Variants in CEP135 observed in about 807,000 individuals in gnomAD.
The protein encoded by CEP135 is centrosomal protein of 135 kDa.
In CEP135, 142 loss-of-function variants were observed where a neutral mutation model predicts 157.3. That is an observed-to-expected ratio of 0.90 (90% confidence interval 0.79 to 1.04). The LOEUF (loss-of-function observed/expected upper bound fraction) is 1.04. Ranked by LOEUF, CEP135 falls within the 50% of genes least tolerant of loss-of-function variation. The pLI is 0.00. For missense variants in CEP135, 1,317 were observed against 1,309.2 expected, an observed-to-expected ratio of 1.01 and a Z score of -0.09; for synonymous variants, 396 against 439.8, an observed-to-expected ratio of 0.90 and a Z score of 1.25.
Position 55,954,327 on chromosome 4 carries a change from A to G in CEP135, c.416A>G (p.Asn139Ser). Residue 139 changes from asparagine (N) to serine (S), a missense_variant, in exon 4 of 26, where the codon AAT becomes AGT. Physicochemically the swap from Asn to Ser is conservative, Grantham distance 46. Transcript: ENST00000257287. ...TTGGAGAAAGAGAGCAAAGCTAAGA[A>G]TGAAAGAATTCAACAACTTCAAGAA... is the stretch of plus-strand genomic sequence containing the variant. ...KLLEKESKAK[N>S]ERIQQLQEKN... 1 of 1,609,978 alleles carries G rather than the reference A, an allele frequency of 6.2e-7. No homozygotes were observed. Among genetic ancestry groups the G allele is most frequent in the Non-Finnish European group, 8.5e-7 (1 of 1,178,690 alleles).
intron 14 of CEP135, among the ~76,000 whole-genome samples, chr4:55,988,461 A>G (rs1249218030): frequency 1.3e-5 from 2 of 152,066 alleles, no homozygotes; most frequent in Non-Finnish European, 2.9e-5. Context: ...GCAGTTCAAG[A>G]CCAGCCTGGC....
At chr4:55,987,077 T>C (rs893438464) in intron 14 of CEP135, among the ~76,000 whole-genome samples, 1 of 152,228 alleles carries the variant, frequency 6.6e-6, no homozygotes, top group African/African-American at 2.4e-5. Context: ...TTTTCAGTCT[T>C]GCCGTTAAGC....
intron 6 of CEP135, among the ~76,000 whole-genome samples, chr4:55,961,885 G>T (rs1183687216): frequency 6.6e-6 from 1 of 150,720 alleles, no homozygotes; most frequent in Non-Finnish European, 1.5e-5. Context: ...TTAAGACTTG[G>T]TGGGCAGGGT....
intron 9 of CEP135, among the ~76,000 whole-genome samples, chr4:55,970,426 TAAG>T (rs1324752663): frequency 2.6e-5 from 4 of 152,248 alleles, no homozygotes; most frequent in Non-Finnish European, 5.9e-5. Context: ...GAGTTTTCTC[TAAG>T]ATTGGAAATA....
At chr4:55,981,997 A>G (rs994912162) in intron 13 of CEP135, among the ~76,000 whole-genome samples, 7 of 152,154 alleles carry the variant, frequency 4.6e-5, no homozygotes, top group African/African-American at 1.7e-4. Context: ...AAAGTCAAAA[A>G]TGTAAACCAG....
At chr4:55,968,916 T>G in intron 8 of CEP135, 147 bp from the exon 9 acceptor site, 1 of 491,948 alleles carries the variant, frequency 2.0e-6, no homozygotes, top group Non-Finnish European at 3.6e-6. Context: ...CAATTTTGCC[T>G]CTTCGTTGAA....
Position 56,032,825 on chromosome 4 carries a change from C to G in CEP135, c.*1477C>G, listed in dbSNP as rs1341084136. On this transcript the variant is annotated 3_prime_UTR_variant, in exon 26 of 26. Coordinates refer to ENST00000257287, the MANE Select transcript of CEP135 (RefSeq NM_025009.5). ...AGTTACTTATGATATATTTTGTTTC[C>G]TCTTGTGGTTTAATAAAGTGAAGTG... 6.7e-6 allele frequency: 1 copy of G among 149,906 alleles called. No individual in the cohort carries two copies. Among genetic ancestry groups the G allele is most frequent in the Admixed American group, 6.7e-5 (1 of 14,860 alleles). 9.3% of individuals were successfully genotyped at this position (149,906 alleles called of 1,614,324 possible). A position where few individuals can be genotyped will look rare whatever the true frequency, so the allele number is the denominator to read the frequency against.
intron 8 of CEP135, chr4:55,966,142 T>G: frequency 3.1e-6 from 1 of 320,380 alleles, no homozygotes; most frequent in Non-Finnish European, 5.8e-6. Flanking sequence ...CTCTGCCCCT[T>G]TATCTATGCA....
chr4:55,976,235 C>CAAA (rs749867669), intron 11 of CEP135, among the ~76,000 whole-genome samples: 2 of 79,592 alleles, frequency 2.5e-5, no homozygotes, highest in Non-Finnish European at 3.0e-5. Context: ...GCCTGGGTGA[C>CAAA]AAAAAAAAAA....
At chr4:55,951,159 A>T (rs1728350624) in intron 1 of CEP135, among the ~76,000 whole-genome samples, 1 of 152,054 alleles carries the variant, frequency 6.6e-6, no homozygotes, top group African/African-American at 2.4e-5. Flanking sequence ...TCTGCTGTTG[A>T]TGGGGGTTTA....
chr4:56,006,877 CTTG>C (rs1366532242), intron 17 of CEP135, among the ~76,000 whole-genome samples: 1 of 151,912 alleles, frequency 6.6e-6, no homozygotes, highest in Non-Finnish European at 1.5e-5. Flanking sequence ...CTCTGTCTGG[CTTG>C]TTTTTTGTTG....
At chr4:55,981,466 C>T in intron 13 of CEP135, 87 bp downstream of exon 13, 37 of 1,201,346 alleles carry the variant, frequency 3.1e-5, no homozygotes, top group Non-Finnish European at 4.2e-5. Flanking sequence ...TTACTATTGG[C>T]CAAATCCAGA....
intron 24 of CEP135, among the ~76,000 whole-genome samples, chr4:56,021,534 C>T (rs1730971893): frequency 1.3e-5 from 2 of 152,266 alleles, no homozygotes; most frequent in African/African-American, 4.8e-5. Flanking sequence ...AATCAGTTGC[C>T]AAGTTACTTG....
rs764869714 is a variant in CEP135, at chr4:55,953,145, A to G, written c.174A>G (p.Glu58=). The G allele has an allele frequency of 3.7e-6, 6 of 1,608,336 alleles. No homozygotes were observed. The highest frequency in any genetic ancestry group is 1.3e-5 in the African/African-American group (1 of 74,698). Residue 58 remains glutamate (E), a synonymous_variant, in exon 3 of 26, where the codon GAA becomes GAG. Transcript: ENST00000257287. ...CAAAATTATCTGCTGTGAAAGCTGAAAAAGAAAGTGCCAATTTTGATTTTG... is the reference window on the plus strand; with the variant it reads ...CAAAATTATCTGCTGTGAAAGCTGAGAAAGAAAGTGCCAATTTTGATTTTG... The part of the protein sequence containing the change: ...RQSKLSAVKA[E]KESANFDFVL...
intron 17 of CEP135, among the ~76,000 whole-genome samples, chr4:56,001,093 T>C (rs1238431541): frequency 6.6e-6 from 1 of 152,152 alleles, no homozygotes; most frequent in Non-Finnish European, 1.5e-5. Flanking sequence ...CGTTTTAAAA[T>C]TGGATTATTT....
chr4:55,995,034 G>T (rs868166795), intron 15 of CEP135, among the ~76,000 whole-genome samples: 10 of 152,086 alleles, frequency 6.6e-5, no homozygotes, highest in African/African-American at 7.2e-5. Context: ...TAGTTTCTTT[G>T]TCTGTTGTCA....
intron 13 of CEP135, among the ~76,000 whole-genome samples, chr4:55,983,610 G>A (rs956085853): frequency 2.0e-5 from 3 of 151,350 alleles, no homozygotes; most frequent in Non-Finnish European, 1.5e-5. Context: ...GGTTGTCTCA[G>A]TGAATCTTCA....
Position 55,967,837 on chromosome 4 carries a change from A to G in CEP135, c.1045-1226A>G, listed in dbSNP as rs549779838. Reference sequence around the variant, plus strand: ...CAAACAATCATACTCAGTGGTGAAAAACTGGAAGTTTTTCCTCTAAGATGA... The same window carrying G: ...CAAACAATCATACTCAGTGGTGAAAGACTGGAAGTTTTTCCTCTAAGATGA... On this transcript the variant is annotated intron_variant, in intron 8 of 25. Coordinates refer to ENST00000257287, the MANE Select transcript of CEP135 (RefSeq NM_025009.5). Among the ~76,000 whole-genome samples the G allele has an allele frequency of 1.2e-4, 19 of 152,302 alleles. No homozygotes were observed. In the Middle Eastern group the frequency reaches 0.01, roughly 82 times the overall value.
At chr4:55,992,899 G>A (rs941259305) in intron 15 of CEP135, among the ~76,000 whole-genome samples, 14 of 152,120 alleles carry the variant, frequency 9.2e-5, no homozygotes, top group Admixed American at 2.0e-4. Context: ...GCTGCAATAA[G>A]TAACAAGATA....
Sources: allele counts gnomAD v4.1 joint callset (sites outside exome capture counted in the v4.1 genomes callset), GRCh38; gene constraint gnomAD v4.1.1; transcripts MANE v1.5; gene names NCBI Gene and HGNC (gene_info 2026-07-23, HGNC 2026-07-21).